GALNT13: variants seen among roughly 807,000 people sequenced by gnomAD.
GALNT13 encodes polypeptide N-acetylgalactosaminyltransferase 13.
Under a neutral mutation model 64.2 loss-of-function variants are expected in GALNT13, and 28 were observed. The ratio of observed to expected loss-of-function variants is 0.44; its 90% confidence interval spans 0.32 to 0.60. The LOEUF (loss-of-function observed/expected upper bound fraction) is 0.60. Ranked by LOEUF, GALNT13 falls within the 20% of genes least tolerant of loss-of-function variation. The pLI is 0.05. For missense variants in GALNT13, 577 were observed against 669.8 expected, an observed-to-expected ratio of 0.86 and a Z score of 1.53; for synonymous variants, 214 against 224.6, an observed-to-expected ratio of 0.95 and a Z score of 0.42.
At chr2:153,157,410 G>A in the GALNT13 span, among the ~76,000 whole-genome samples, 1 of 152,126 alleles carries the variant, frequency 6.6e-6, no homozygotes, top group Non-Finnish European at 1.5e-5. Context: ...ACATTGCAAT[G>A]GGCTCTGTGT....
the GALNT13 span, among the ~76,000 whole-genome samples, chr2:153,239,742 T>C: frequency 1.3e-5 from 2 of 152,166 alleles, no homozygotes; most frequent in African/African-American, 2.4e-5. Context: ...ATTATGAGGA[T>C]TTTTGCATAA....
At chr2:153,423,920 T>C in the GALNT13 span, among the ~76,000 whole-genome samples, 5 of 151,530 alleles carry the variant, frequency 3.3e-5, no homozygotes, top group East Asian at 3.9e-4. Flanking sequence ...TTAAAACTTA[T>C]GTTAGACTAT....
At chr2:154,125,043 C>T (rs1318385528) in intron 3 of GALNT13, among the ~76,000 whole-genome samples, 2 of 152,030 alleles carry the variant, frequency 1.3e-5, no homozygotes, top group African/African-American at 4.8e-5. Flanking sequence ...GATGAGTGAG[C>T]ACAAGGGGCT....
chr2:153,269,430 A>G, the GALNT13 span, among the ~76,000 whole-genome samples: 1 of 152,250 alleles, frequency 6.6e-6, no homozygotes, highest in African/African-American at 2.4e-5. Context: ...CCTCATCTTC[A>G]TCTGAGACCC....
the GALNT13 span, among the ~76,000 whole-genome samples, chr2:153,603,780 G>T: frequency 1.3e-5 from 2 of 151,982 alleles, no homozygotes; most frequent in South Asian, 2.1e-4. Flanking sequence ...ATGTAGAAAT[G>T]GTAAAACCCC....
rs574590945 is a variant in GALNT13, at chr2:154,126,495, C to T, written c.143-13842C>T. On this transcript the variant is annotated intron_variant, in intron 3 of 12. Coordinates refer to ENST00000392825, the MANE Select transcript of GALNT13 (RefSeq NM_052917.4). ...CTAAAAATACAAAAAATCAGCTGGG[C>T]GTGGTGGTGGGCGCCGGTAGTCCCA... Among the ~76,000 whole-genome samples, 10 of 151,948 alleles carry T rather than the reference C, an allele frequency of 6.6e-5. No individual in the cohort carries two copies. The South Asian group carries it at 2.1e-3, about 32-fold the overall frequency.
At chr2:153,379,137 T>C in the GALNT13 span, among the ~76,000 whole-genome samples, 1 of 152,182 alleles carries the variant, frequency 6.6e-6, no homozygotes, top group East Asian at 1.9e-4. Context: ...GATTATGCAC[T>C]AAGATCTTTT....
At chr2:153,721,855 A>G in the GALNT13 span, among the ~76,000 whole-genome samples, 2 of 151,598 alleles carry the variant, frequency 1.3e-5, no homozygotes, top group East Asian at 3.9e-4. Flanking sequence ...CACAATAATA[A>G]TCGGAGACTT....
the GALNT13 span, among the ~76,000 whole-genome samples, chr2:153,465,091 A>G: frequency 1.3e-5 from 2 of 152,132 alleles, no homozygotes; most frequent in African/African-American, 4.8e-5. Context: ...AACAGGATCA[A>G]TCAGCATTCA....
chr2:153,601,941 G>T, the GALNT13 span, among the ~76,000 whole-genome samples: 1 of 151,872 alleles, frequency 6.6e-6, no homozygotes, highest in African/African-American at 2.4e-5. Flanking sequence ...TGAATCGCTT[G>T]ACTCATTCAG....
At chr2:153,394,850 C>G in the GALNT13 span, among the ~76,000 whole-genome samples, 1 of 152,152 alleles carries the variant, frequency 6.6e-6, no homozygotes, top group Admixed American at 6.5e-5. Context: ...GGTCAGGATT[C>G]TGGCACGTTT....
chr2:153,616,394 C>T, the GALNT13 span, among the ~76,000 whole-genome samples: 1 of 151,518 alleles, frequency 6.6e-6, no homozygotes, highest in Non-Finnish European at 1.5e-5. Flanking sequence ...TTGCTTAGGA[C>T]CATTTTGGCT....
chr2:153,252,554 T>A, the GALNT13 span, among the ~76,000 whole-genome samples: 3 of 151,774 alleles, frequency 2.0e-5, no homozygotes, highest in Non-Finnish European at 4.4e-5. Flanking sequence ...CCCATGCCTA[T>A]GTCCTGAATG....
intron 8 of GALNT13, among the ~76,000 whole-genome samples, chr2:154,270,158 A>T (rs2105920940): frequency 6.6e-6 from 1 of 151,706 alleles, no homozygotes; most frequent in East Asian, 1.9e-4. Context: ...TATTGCTCTT[A>T]AAATTATAAT....
At chr2:153,301,745 A>C in the GALNT13 span, among the ~76,000 whole-genome samples, 1 of 152,132 alleles carries the variant, frequency 6.6e-6, no homozygotes, top group Non-Finnish European at 1.5e-5. Context: ...AAGTTCACAC[A>C]TAAGTGAGGT....
the GALNT13 span, among the ~76,000 whole-genome samples, chr2:153,292,461 A>T: frequency 1.3e-5 from 2 of 152,194 alleles, no homozygotes; most frequent in South Asian, 4.1e-4. Context: ...ACAGTAGGAA[A>T]AGTATTCCAG....
At chr2:153,606,195 T>TTGTA in the GALNT13 span, among the ~76,000 whole-genome samples, 4 of 152,100 alleles carry the variant, frequency 2.6e-5, no homozygotes, top group East Asian at 1.9e-4. Context: ...ATATATCTAT[T>TTGTA]TGTATGTATG....
chr2:153,351,288 A>G, the GALNT13 span, among the ~76,000 whole-genome samples: 1 of 152,218 alleles, frequency 6.6e-6, no homozygotes, highest in Non-Finnish European at 1.5e-5. Context: ...CTAAAGTTGC[A>G]TCTGAATTTT....
the GALNT13 span, among the ~76,000 whole-genome samples, chr2:153,328,879 C>T: frequency 6.6e-6 from 1 of 152,094 alleles, no homozygotes; most frequent in Non-Finnish European, 1.5e-5. Flanking sequence ...GCAGCTATCT[C>T]GGTGTCTGCC....
Sources: allele counts gnomAD v4.1 joint callset (sites outside exome capture counted in the v4.1 genomes callset), GRCh38; gene constraint gnomAD v4.1.1; transcripts MANE v1.5; gene names NCBI Gene and HGNC (gene_info 2026-07-23, HGNC 2026-07-21).